The following ATRNL1 variants were observed in gnomAD, a reference collection of about 807,000 sequenced individuals.
ATRNL1 encodes attractin-like protein 1.
A neutral mutation model predicts 182.7 loss-of-function variants in ATRNL1; 95 were observed. That is an observed-to-expected ratio of 0.52 (90% CI 0.44 to 0.62). The LOEUF is 0.62. Among genes scored for constraint, ATRNL1 ranks in the 20% least tolerant of loss-of-function variants. The pLI is 0.00. For synonymous variants in ATRNL1, 576 were observed against 568.3 expected, an observed-to-expected ratio of 1.01 and a Z score of -0.19; for missense variants, 1,471 against 1,679.5, an observed-to-expected ratio of 0.88 and a Z score of 2.17.
intron 25 of ATRNL1, among the ~76,000 whole-genome samples, chr10:115,536,116 G>T (rs1851979209): frequency 6.6e-6 from 1 of 152,110 alleles, no homozygotes; most frequent in South Asian, 2.1e-4. Context: ...GCTGCGTGCT[G>T]GGAGAACCAC....
intron 28 of ATRNL1, among the ~76,000 whole-genome samples, chr10:115,905,474 C>T (rs1197992481): frequency 6.6e-6 from 1 of 151,894 alleles, no homozygotes; most frequent in East Asian, 1.9e-4. Flanking sequence ...AAGTGATCCA[C>T]CCACCTCGGC....
At chr10:115,890,370 C>A (rs535463063) in intron 28 of ATRNL1, among the ~76,000 whole-genome samples, 1 of 152,146 alleles carries the variant, frequency 6.6e-6, no homozygotes, top group African/African-American at 2.4e-5. Context: ...TTTGACTGAG[C>A]ACTTTGTAGT....
In ATRNL1 at chr10:115,579,166, G is replaced by GTA. The variant is rs531804450; in HGVS notation, c.3795+29632_3795+29633dup. Among the ~76,000 whole-genome samples, 37 of 151,828 alleles carry GTA rather than the reference G, an allele frequency of 2.4e-4. 1 individual carries two copies. In the South Asian group the frequency reaches 7.5e-3, roughly 31 times the overall value. ...TTACATGTGCACTTAAGAGGAATGT[G>GTA]TATTCTATTACTGTTGAATAGAATG... is the stretch of plus-strand genomic sequence containing the variant. On this transcript the variant is annotated intron_variant, in intron 26 of 28. Coordinates refer to ENST00000355044, the MANE Select transcript of ATRNL1 (RefSeq NM_207303.4).
intron 24 of ATRNL1, among the ~76,000 whole-genome samples, chr10:115,490,613 G>A (rs920108592): frequency 2.6e-5 from 4 of 152,020 alleles, no homozygotes; most frequent in Non-Finnish European, 1.5e-5. Context: ...ATTCTAGTTA[G>A]CAATTCATCT....
chr10:115,286,274 C>T lies in ATRNL1; in HGVS notation c.2292C>T (p.Ser764=), dbSNP rs1251451440. 8.8e-6 allele frequency: 14 copies of T among 1,598,888 alleles called. No individual in the cohort carries two copies. The highest frequency in any genetic ancestry group is 1.2e-5 in the Non-Finnish European group (14 of 1,167,274). ...HIGDACLRVN[S]SRENYDNAKL... ...GGGATGCTTGTCTTAGAGTCAATTC[C>T]AGTAGAGAAAACTATGACAATGCAA... is the stretch of plus-strand genomic sequence containing the variant. The change falls in exon 15 of 29, where the codon TCC becomes TCT. Residue 764 remains serine, a synonymous_variant. Transcript: ENST00000355044.
chr10:115,263,264 A>G (rs1851467757), intron 10 of ATRNL1, among the ~76,000 whole-genome samples: 1 of 151,906 alleles, frequency 6.6e-6, no homozygotes, highest in Non-Finnish European at 1.5e-5. Flanking sequence ...GCTCAACATC[A>G]CTAATCATTA....
chr10:115,268,441 T>C lies in ATRNL1; in HGVS notation c.2097T>C (p.Ser699=). Residue 699 remains serine, a synonymous_variant, in exon 13 of 29, where the codon AGT becomes AGC. Coordinates refer to ENST00000355044, the MANE Select transcript of ATRNL1 (RefSeq NM_207303.4). The stretch of plus-strand genomic sequence containing the variant: ...GCATTTCGGCAAATAGTAACTGCAG[T>C]ATGGTTAGTATTTATGGGTAAATGG... ...KKCISANSNC[S]MSVKNYTKCH... 6.3e-7 allele frequency: 1 copy of C among 1,582,542 alleles called. No individual in the cohort carries two copies. Among genetic ancestry groups the C allele is most frequent in the Non-Finnish European group, 8.7e-7 (1 of 1,151,464 alleles).
At chr10:115,844,404 C>G (rs886673776) in intron 27 of ATRNL1, among the ~76,000 whole-genome samples, 3 of 151,912 alleles carry the variant, frequency 2.0e-5, no homozygotes, top group Non-Finnish European at 2.9e-5. Context: ...CAGGAGTTTC[C>G]CAGGATTGAT....
intron 10 of ATRNL1, among the ~76,000 whole-genome samples, chr10:115,242,500 C>T (rs1327991714): frequency 2.0e-5 from 3 of 151,740 alleles, no homozygotes; most frequent in African/African-American, 7.3e-5. Flanking sequence ...TACTTAAGAG[C>T]ACCTTTTATT....
intron 8 of ATRNL1, among the ~76,000 whole-genome samples, chr10:115,199,392 C>G: frequency 6.6e-6 from 1 of 151,764 alleles, no homozygotes; most frequent in Admixed American, 6.6e-5. Context: ...TGGTGAAACC[C>G]CATCTCTACT....
chr10:115,916,085 G>A (rs1244756912), intron 28 of ATRNL1, among the ~76,000 whole-genome samples: 6 of 152,140 alleles, frequency 3.9e-5, no homozygotes, highest in Non-Finnish European at 5.9e-5. Context: ...GTATTTGCAG[G>A]CACATAGGTG....
At chr10:115,328,067 C>T (rs1855009233) in intron 18 of ATRNL1, among the ~76,000 whole-genome samples, 3 of 150,860 alleles carry the variant, frequency 2.0e-5, no homozygotes, top group African/African-American at 7.3e-5. Flanking sequence ...GCACATGTAC[C>T]CTAAAACTTA....
At chr10:115,782,981 G>A (rs1284596271) in intron 27 of ATRNL1, among the ~76,000 whole-genome samples, 3 of 152,122 alleles carry the variant, frequency 2.0e-5, no homozygotes, top group African/African-American at 7.2e-5. Flanking sequence ...GACTTAGCCT[G>A]TTTTAAACAA....
At chr10:115,466,888 C>A (rs1292471059) in intron 22 of ATRNL1, among the ~76,000 whole-genome samples, 4 of 150,814 alleles carry the variant, frequency 2.7e-5, no homozygotes, top group Admixed American at 2.0e-4. Context: ...TACAGCTAAG[C>A]AAAGAGAATC....
chr10:115,251,659 C>G (rs1362258661), intron 10 of ATRNL1, among the ~76,000 whole-genome samples: 1 of 152,142 alleles, frequency 6.6e-6, no homozygotes, highest in East Asian at 1.9e-4. Context: ...ATAAAATAGC[C>G]TGGTGGGTTT....
chr10:115,337,653 T>G (rs368110243), intron 19 of ATRNL1, among the ~76,000 whole-genome samples: 23 of 152,328 alleles, frequency 1.5e-4, no homozygotes, highest in South Asian at 1.4e-3. Flanking sequence ...AATGTTTGTC[T>G]TTCTGTGCCT....
intron 28 of ATRNL1, among the ~76,000 whole-genome samples, chr10:115,939,278 A>C (rs1163801443): frequency 1.3e-5 from 2 of 152,206 alleles, no homozygotes. Flanking sequence ...GTCCTGCCCT[A>C]GGTGAACCAG....
intron 26 of ATRNL1, among the ~76,000 whole-genome samples, chr10:115,581,106 G>A (rs542104823): frequency 9.1e-4 from 139 of 152,188 alleles, no homozygotes; most frequent in African/African-American, 3.1e-3. Flanking sequence ...TTGACACTCT[G>A]TGTTGGTTTC....
intron 24 of ATRNL1, among the ~76,000 whole-genome samples, 193 bp downstream of exon 24, chr10:115,469,522 C>T (rs1241544655): frequency 6.6e-6 from 1 of 150,546 alleles, no homozygotes; most frequent in Non-Finnish European, 1.5e-5. Context: ...ATGGAACCAA[C>T]AAACTCTATA....
Sources: gnomAD v4.1 joint callset for allele counts (sites outside exome capture counted in the v4.1 genomes callset) on GRCh38, gnomAD v4.1.1 for gene constraint, MANE v1.5 for transcripts, NCBI Gene and HGNC (gene_info 2026-07-23, HGNC 2026-07-21) for gene names.